Variants in IL18RAP observed in about 807,000 individuals in gnomAD.
IL18RAP encodes interleukin-18 receptor accessory protein.
In IL18RAP, 37 loss-of-function variants were observed where a neutral mutation model predicts 58.1. That is an observed-to-expected ratio of 0.64 (90% CI 0.49 to 0.84). The LOEUF is 0.84. Among genes scored for constraint, IL18RAP ranks in the 40% least tolerant of loss-of-function variants. The probability of loss-of-function intolerance (pLI) is 0.00; values close to 1 mark genes in which losing one functional copy is unlikely to be tolerated. For synonymous variants in IL18RAP, 268 were observed against 257.5 expected, an observed-to-expected ratio of 1.04 and a Z score of -0.39; for missense variants, 667 against 704.8, an observed-to-expected ratio of 0.95 and a Z score of 0.61.
intron 8 of IL18RAP, 52 bp from the exon 9 acceptor site, chr2:102,450,796 G>GT: frequency 8.1e-7 from 1 of 1,230,728 alleles, no homozygotes; most frequent in Non-Finnish European, 1.1e-6. Flanking sequence ...TACCATAACA[G>GT]TAAAAAAAAG....
intron 4 of IL18RAP, 141 bp downstream of exon 4, chr2:102,437,503 A>C: frequency 1.4e-6 from 1 of 733,478 alleles, no homozygotes; most frequent in Non-Finnish European, 2.0e-6. Flanking sequence ...TCATGTGGGC[A>C]AACATCAAAG....
intron 4 of IL18RAP, among the ~76,000 whole-genome samples, chr2:102,437,783 A>G (rs1682849532): frequency 6.6e-6 from 1 of 152,164 alleles, no homozygotes; most frequent in South Asian, 2.1e-4. Flanking sequence ...ATTCTCTTCC[A>G]GGCCTTTGCT....
At chr2:102,441,963 T>C (rs950189688) in intron 5 of IL18RAP, among the ~76,000 whole-genome samples, 3 of 152,146 alleles carry the variant, frequency 2.0e-5, no homozygotes, top group South Asian at 2.1e-4. Context: ...ACCTGATCAA[T>C]AGATTTTATT....
At chr2:102,447,328 A>G (rs1683489543) in intron 8 of IL18RAP, 121 bp downstream of exon 8, 2 of 1,143,964 alleles carry the variant, frequency 1.7e-6, no homozygotes, top group Admixed American at 4.5e-5. Flanking sequence ...CTTAGAAAAG[A>G]ACTTCAAATG....
At chr2:102,449,367 AT>A (rs1323328912) in intron 8 of IL18RAP, among the ~76,000 whole-genome samples, 11 of 152,228 alleles carry the variant, frequency 7.2e-5, no homozygotes, top group Non-Finnish European at 1.6e-4. Flanking sequence ...TTTAAGATTT[AT>A]TTTAATAACT....
In IL18RAP at chr2:102,452,186, A is replaced by G; in HGVS notation, c.*5A>G. 2 of 1,588,388 alleles carry G rather than the reference A, an allele frequency of 1.3e-6. No homozygotes were observed. Among genetic ancestry groups the G allele is most frequent in the East Asian group, 4.5e-5 (2 of 44,712 alleles). On this transcript the variant is annotated 3_prime_UTR_variant, in exon 10 of 10. Transcript: ENST00000687160. The stretch of plus-strand genomic sequence containing the variant: ...TCCCAGCCTAAGGAATGGTGAAATG[A>G]GCCCTGGAGCCCCCTCCAGTCCAGT...
chr2:102,420,160 C>T (rs1681480403), upstream of IL18RAP, among the ~76,000 whole-genome samples: 1 of 152,156 alleles, frequency 6.6e-6, no homozygotes, highest in Admixed American at 6.5e-5. Flanking sequence ...TGGTCTTGGG[C>T]TCATGTTGGT....
intron 8 of IL18RAP, among the ~76,000 whole-genome samples, chr2:102,448,349 G>A (rs1227449676): frequency 6.6e-6 from 1 of 152,178 alleles, no homozygotes; most frequent in Non-Finnish European, 1.5e-5. Context: ...GAGAAGTCCT[G>A]TAAAATGCAA....
In IL18RAP at chr2:102,451,005, T is replaced by C; in HGVS notation, c.1368T>C (p.Asp456=). ...YGYSLCLLER[D]VAPGGVYAED... The stretch of plus-strand genomic sequence containing the variant: ...ATAGCCTGTGTTTGCTTGAAAGAGA[T>C]GTGGCTCCAGGAGGAGGTAAGTCCA... The change falls in exon 9 of 10, where the codon GAT becomes GAC. Residue 456 remains aspartate, a synonymous_variant. Coordinates refer to ENST00000687160, the MANE Select transcript of IL18RAP (RefSeq NM_001393487.1). 1.2e-6 allele frequency: 2 copies of C among 1,601,500 alleles called. No homozygotes were observed. Among genetic ancestry groups the C allele is most frequent in the Non-Finnish European group, 1.7e-6 (2 of 1,175,122 alleles).
At chr2:102,438,552 G>C (rs1051706750) in intron 4 of IL18RAP, among the ~76,000 whole-genome samples, 1 of 152,136 alleles carries the variant, frequency 6.6e-6, no homozygotes, top group Non-Finnish European at 1.5e-5. Context: ...CCCTCCAAGT[G>C]ATGTGTAATT....
At position 102,447,084 on chromosome 2, in the gene IL18RAP, A is replaced by C. The variant is rs1683469373; in HGVS notation, c.1087A>C (p.Ile363Leu). ...KEKRGVVLLY[I>L]LLGTIGTLVA... ...TGTCTCCACAGTGGTGCTCCTGTAC[A>C]TCCTGCTTGGCACCATCGGGACCCT... Residue 363 changes from isoleucine (I) to leucine (L), a missense_variant, in exon 8 of 10, where the codon ATC (isoleucine) becomes CTC (leucine). Physicochemically the swap from Ile to Leu is conservative, Grantham distance 5 (BLOSUM62 2). Transcript: ENST00000687160. 1 of 1,613,838 alleles carries C rather than the reference A, an allele frequency of 6.2e-7. No homozygotes were observed. Among genetic ancestry groups the C allele is most frequent in the Admixed American group, 1.7e-5 (1 of 59,994 alleles).
chr2:102,434,376 T>G (rs1682593419), intron 3 of IL18RAP: 1 of 151,594 alleles, frequency 6.6e-6, no homozygotes, highest in Non-Finnish European at 1.5e-5. Flanking sequence ...TAACTTATGT[T>G]CATGATTTTA....
intron 7 of IL18RAP, among the ~76,000 whole-genome samples, chr2:102,446,673 C>A (rs940747603): frequency 6.6e-6 from 1 of 151,886 alleles, no homozygotes; most frequent in Non-Finnish European, 1.5e-5. Context: ...TGGTGGCGGG[C>A]GCCTGTAGTC....
upstream of IL18RAP, among the ~76,000 whole-genome samples, chr2:102,422,818 A>G (rs1457945912): frequency 6.6e-6 from 1 of 152,234 alleles, no homozygotes; most frequent in Admixed American, 6.5e-5. Flanking sequence ...CTAACCGTGA[A>G]AAATCTGACA....
upstream of IL18RAP, chr2:102,419,386 C>T (rs1239526289): frequency 3.9e-5 from 6 of 152,192 alleles, no homozygotes; most frequent in African/African-American, 1.4e-4. Flanking sequence ...GAGACCAAAT[C>T]TCTGTCTGCA....
chr2:102,449,768 A>G (rs1192059132), intron 8 of IL18RAP, among the ~76,000 whole-genome samples: 10 of 152,152 alleles, frequency 6.6e-5, no homozygotes, highest in Non-Finnish European at 1.2e-4. Flanking sequence ...CTGGGATTTC[A>G]CATGATGTGG....
upstream of IL18RAP, chr2:102,419,588 A>G (rs1573252481): frequency 6.6e-6 from 1 of 152,302 alleles, no homozygotes; most frequent in East Asian, 1.9e-4. Flanking sequence ...GCCTTGACCA[A>G]CTGAAAGGGA....
intron 8 of IL18RAP, among the ~76,000 whole-genome samples, chr2:102,450,238 T>G (rs1456841452): frequency 6.6e-6 from 1 of 152,298 alleles, no homozygotes; most frequent in Non-Finnish European, 1.5e-5. Context: ...TATATACATA[T>G]AGTTTTCCAT....
intron 9 of IL18RAP, 40 bp downstream of exon 9, chr2:102,451,061 G>C (rs924214715): frequency 2.6e-6 from 4 of 1,518,848 alleles, no homozygotes; most frequent in East Asian, 2.3e-5. Flanking sequence ...GTGCAAAAAG[G>C]GCAGTTCAAT....
Sources: gnomAD v4.1 joint callset for allele counts (sites outside exome capture counted in the v4.1 genomes callset) on GRCh38, gnomAD v4.1.1 for gene constraint, MANE v1.5 for transcripts, NCBI Gene and HGNC (gene_info 2026-07-23, HGNC 2026-07-21) for gene names.